RDX: variants seen among roughly 807,000 people sequenced by gnomAD.
The protein encoded by RDX is deafness, autosomal recessive 24.
Under a neutral mutation model 83.7 loss-of-function variants are expected in RDX, and 32 were observed. The observed-to-expected ratio is 0.38, with a 90% confidence interval of 0.29 to 0.51. The LOEUF is 0.51. RDX is among the 20% of genes least tolerant of loss of function. RDX has a pLI of 0.87. For missense variants in RDX, 600 were observed against 689.9 expected (o/e 0.87, Z 1.46); for synonymous variants, 229 against 222.7 (o/e 1.03, Z -0.25).
chr11:110,266,233 A>T (rs1241606723), intron 3 of RDX, among the ~76,000 whole-genome samples: 2 of 152,026 alleles, frequency 1.3e-5, no homozygotes, highest in African/African-American at 2.4e-5. Context: ...CTTGGGAGGC[A>T]GAAGCAGGAG....
intron 1 of RDX, among the ~76,000 whole-genome samples, chr11:110,288,840 T>C (rs1419186062): frequency 6.6e-6 from 1 of 152,354 alleles, no homozygotes; most frequent in South Asian, 2.1e-4. Flanking sequence ...TTCTGTTGAT[T>C]AGTGTCAAGG....
At chr11:110,202,778 G>T (rs189565741) in intron 14 of RDX, among the ~76,000 whole-genome samples, 111 of 151,822 alleles carry the variant, frequency 7.3e-4, no homozygotes, top group African/African-American at 2.6e-3. Flanking sequence ...TATATGAAAA[G>T]GTGCTCAACA....
chr11:110,245,911 A>G (rs1240369169), intron 10 of RDX, among the ~76,000 whole-genome samples: 1 of 152,136 alleles, frequency 6.6e-6, no homozygotes, highest in African/African-American at 2.4e-5. Context: ...ATTTGCTGGG[A>G]CAGTAACTGA....
intron 1 of RDX, among the ~76,000 whole-genome samples, chr11:110,284,444 C>G (rs1273223782): frequency 1.6e-4 from 24 of 151,888 alleles, no homozygotes; most frequent in Admixed American, 1.6e-3. Context: ...CAAACTGTGT[C>G]AACATTTAGA....
chr11:110,267,930 A>G (rs1170360652), intron 3 of RDX, among the ~76,000 whole-genome samples: 4 of 152,056 alleles, frequency 2.6e-5, no homozygotes, highest in African/African-American at 7.2e-5. Context: ...CTCCAGCCTC[A>G]GTGACAGAGC....
At chr11:110,260,473 G>A (rs1047042826) in intron 5 of RDX, among the ~76,000 whole-genome samples, 14 of 151,320 alleles carry the variant, frequency 9.3e-5, no homozygotes, top group Admixed American at 6.6e-4. Flanking sequence ...ATGGAGTCTC[G>A]CTCTGTCGCC....
At chr11:110,232,383 A>G (rs1864673352) in intron 13 of RDX, among the ~76,000 whole-genome samples, 1 of 152,166 alleles carries the variant, frequency 6.6e-6, no homozygotes, top group Non-Finnish European at 1.5e-5. Flanking sequence ...AAGTCTTAAT[A>G]CATTTATTGT....
chr11:110,225,164 CCTT>C (rs1247688485), downstream of RDX, among the ~76,000 whole-genome samples: 3 of 152,100 alleles, frequency 2.0e-5, no homozygotes, highest in African/African-American at 7.2e-5. Context: ...TTTTGTAACA[CCTT>C]CTTCATTAAA....
intron 2 of RDX, among the ~76,000 whole-genome samples, chr11:110,273,754 TCTC>T (rs1210635964): frequency 1.6e-4 from 24 of 152,232 alleles, no homozygotes; most frequent in Non-Finnish European, 5.9e-5. Flanking sequence ...TTAACTTATT[TCTC>T]CTTTAATTTT....
chr11:110,184,307 G>C (rs1345196067), intron 15 of RDX, among the ~76,000 whole-genome samples: 4 of 152,208 alleles, frequency 2.6e-5, no homozygotes, highest in Admixed American at 2.0e-4. Flanking sequence ...AGAAGAGACA[G>C]GTGTCATTCC....
intron 15 of RDX, among the ~76,000 whole-genome samples, chr11:110,187,943 C>T (rs1254134666): frequency 6.6e-6 from 1 of 152,234 alleles, no homozygotes; most frequent in East Asian, 1.9e-4. Flanking sequence ...TCAAACCACA[C>T]TGCCCAATAT....
At chr11:110,242,529 G>A (rs1411628359) in intron 10 of RDX, among the ~76,000 whole-genome samples, 1 of 150,302 alleles carries the variant, frequency 6.7e-6, no homozygotes, top group Non-Finnish European at 1.5e-5. Flanking sequence ...TGTATTATGA[G>A]ACAAAAAAGA....
intron 9 of RDX, among the ~76,000 whole-genome samples, chr11:110,251,243 T>C (rs1027549921): frequency 3.3e-5 from 5 of 152,234 alleles, no homozygotes; most frequent in African/African-American, 1.2e-4. Context: ...TTATTCCTTG[T>C]ATTAATATGC....
At chr11:110,248,249 T>A (rs1284081173) in intron 9 of RDX, among the ~76,000 whole-genome samples, 1 of 152,046 alleles carries the variant, frequency 6.6e-6, no homozygotes, top group Non-Finnish European at 1.5e-5. Flanking sequence ...TAATAATAAT[T>A]GGAAATAGTA....
intron 15 of RDX, among the ~76,000 whole-genome samples, chr11:110,188,201 G>A (rs1269870175): frequency 6.6e-6 from 1 of 151,944 alleles, no homozygotes; most frequent in African/African-American, 2.4e-5. Context: ...GGCTGAGGCA[G>A]GAGAATCACT....
At position 110,296,537 on chromosome 11, in the gene RDX, G is replaced by A. The variant is rs1402961557; in HGVS notation, c.-135C>T. The A allele has an allele frequency of 6.6e-6, 1 of 151,510 alleles. No individual in the cohort carries two copies. Among genetic ancestry groups the A allele is most frequent in the African/African-American group, 2.4e-5 (1 of 41,370 alleles). 9.4% of individuals were successfully genotyped at this position (151,510 alleles called of 1,614,324 possible). A position where few individuals can be genotyped will look rare whatever the true frequency, so the allele number is the denominator to read the frequency against. On this transcript the variant is annotated 5_prime_UTR_variant, in exon 1 of 14. Coordinates refer to ENST00000645495, the MANE Select transcript of RDX (RefSeq NM_002906.4). ...TGCGCGGCGGCGCGGCTGCGACAGG[G>A]AGGGAGAAGCGGTGGTGCGAGCGCT...
intron 14 of RDX, among the ~76,000 whole-genome samples, chr11:110,204,644 G>A (rs1381800095): frequency 5.3e-5 from 8 of 151,168 alleles, no homozygotes; most frequent in Admixed American, 5.3e-4. Context: ...AGCCTCCCGA[G>A]TAGCTGCGAT....
intron 14 of RDX, among the ~76,000 whole-genome samples, chr11:110,216,004 T>C (rs1222896887): frequency 6.6e-6 from 1 of 152,208 alleles, no homozygotes; most frequent in Non-Finnish European, 1.5e-5. Flanking sequence ...CCTGCACCTC[T>C]GTTCCTCAAA....
chr11:110,207,264 G>A (rs1015653431), intron 14 of RDX, among the ~76,000 whole-genome samples: 2 of 152,070 alleles, frequency 1.3e-5, no homozygotes, highest in East Asian at 1.9e-4. Context: ...CTGAGCCACC[G>A]CACCTGGCCA....
Sources: allele counts gnomAD v4.1 joint callset (sites outside exome capture counted in the v4.1 genomes callset), GRCh38; gene constraint gnomAD v4.1.1; transcripts MANE v1.5; gene names NCBI Gene and HGNC (gene_info 2026-07-23, HGNC 2026-07-21).